FRMD4A: variants seen among roughly 807,000 people sequenced by gnomAD.
The protein encoded by FRMD4A is FERM domain-containing protein 4A.
FRMD4A carries 29 observed loss-of-function variants against 129.1 expected under a neutral mutation model. That is an observed-to-expected ratio of 0.22 (90% CI 0.17 to 0.31). The LOEUF (loss-of-function observed/expected upper bound fraction) is 0.31, where lower values mean the gene tolerates loss of function less well. FRMD4A is among the 10% of genes least tolerant of loss of function. The pLI, the probability that FRMD4A is intolerant of heterozygous loss-of-function variation, is 1.00. For synonymous variants in FRMD4A, 634 were observed against 571.6 expected, an observed-to-expected ratio of 1.11 and a Z score of -1.56; for missense variants, 1,272 against 1,375.8, an observed-to-expected ratio of 0.92 and a Z score of 1.19.
intron 2 of FRMD4A, among the ~76,000 whole-genome samples, chr10:13,997,758 G>C (rs1386884235): frequency 2.0e-5 from 3 of 151,808 alleles, no homozygotes; most frequent in Admixed American, 6.6e-5. Flanking sequence ...GAGTAGCTGG[G>C]ACTACATGTG....
chr10:14,255,255 G>T (rs1372803569), intron 2 of FRMD4A, among the ~76,000 whole-genome samples: 2 of 152,064 alleles, frequency 1.3e-5, no homozygotes, highest in African/African-American at 4.8e-5. Context: ...TATAAATCTG[G>T]ACCAAGCTGA....
intron 2 of FRMD4A, among the ~76,000 whole-genome samples, chr10:14,117,018 T>C (rs941276756): frequency 2.0e-5 from 3 of 152,356 alleles, no homozygotes; most frequent in African/African-American, 7.2e-5. Flanking sequence ...GGGCTATGCA[T>C]TGAAATGCAT....
At chr10:13,999,026 TCAC>T (rs1448213945) in intron 2 of FRMD4A, among the ~76,000 whole-genome samples, 3 of 151,942 alleles carry the variant, frequency 2.0e-5, no homozygotes, top group African/African-American at 7.2e-5. Context: ...TCTCACCCCT[TCAC>T]TCTGCTCCAG....
chr10:13,881,421 A>C (rs1399129051), intron 2 of FRMD4A, among the ~76,000 whole-genome samples: 1 of 151,566 alleles, frequency 6.6e-6, no homozygotes, highest in Non-Finnish European at 1.5e-5. Flanking sequence ...AGAATGGGCC[A>C]GAGAGAGACA....
intron 2 of FRMD4A, among the ~76,000 whole-genome samples, chr10:14,242,704 A>G (rs913469986): frequency 1.3e-5 from 2 of 152,208 alleles, no homozygotes; most frequent in Admixed American, 1.3e-4. Context: ...TCGTACAAAT[A>G]ATCTGAAACG....
At chr10:14,107,306 A>G (rs1837637596) in intron 2 of FRMD4A, among the ~76,000 whole-genome samples, 1 of 152,190 alleles carries the variant, frequency 6.6e-6, no homozygotes, top group Non-Finnish European at 1.5e-5. Flanking sequence ...GTGTTACACA[A>G]TATACCTGTG....
chr10:13,727,139 T>G lies in FRMD4A; in HGVS notation c.759+10705A>C, dbSNP rs185138095. On this transcript the variant is annotated intron_variant, in intron 12 of 24. Transcript: ENST00000357447. Reference sequence around the variant, plus strand: ...CTGGTCTCATATTCCTAACCTCAAGTGACCCACCTGCCTCAGCCTCCCAAA... The same window carrying G: ...CTGGTCTCATATTCCTAACCTCAAGGGACCCACCTGCCTCAGCCTCCCAAA... Among the ~76,000 whole-genome samples, 51 of 150,410 alleles carry G rather than the reference T, an allele frequency of 3.4e-4. No individual in the cohort carries two copies. The South Asian group carries it at 9.4e-3, about 28-fold the overall frequency.
intron 17 of FRMD4A, among the ~76,000 whole-genome samples, chr10:13,669,048 T>A (rs1052335120): frequency 1.4e-5 from 2 of 142,034 alleles, no homozygotes; most frequent in African/African-American, 5.2e-5. Context: ...ACTGCCTAAC[T>A]GAGCTTTAGT....
At chr10:13,715,994 A>G (rs1421924756) in intron 12 of FRMD4A, among the ~76,000 whole-genome samples, 1 of 152,208 alleles carries the variant, frequency 6.6e-6, no homozygotes, top group Non-Finnish European at 1.5e-5. Context: ...GTAAAACATA[A>G]AAGTTATGAA....
chr10:13,943,485 T>C (rs866528217), intron 2 of FRMD4A, among the ~76,000 whole-genome samples: 2 of 150,204 alleles, frequency 1.3e-5, no homozygotes, highest in Non-Finnish European at 3.0e-5. Flanking sequence ...CTGTCTCTAC[T>C]AAAAATACAA....
intron 2 of FRMD4A, among the ~76,000 whole-genome samples, chr10:14,244,088 T>C (rs1564413093): frequency 6.6e-6 from 1 of 152,346 alleles, no homozygotes; most frequent in East Asian, 1.9e-4. Context: ...AGAAGACATA[T>C]GACCAAATCA....
chr10:13,735,941 G>T (rs902741083), intron 12 of FRMD4A, among the ~76,000 whole-genome samples: 5 of 152,118 alleles, frequency 3.3e-5, no homozygotes, highest in African/African-American at 9.7e-5. Flanking sequence ...ATCACTTGAG[G>T]TCAGGAGTTT....
At chr10:13,958,353 G>A (rs866891154) in intron 2 of FRMD4A, among the ~76,000 whole-genome samples, 4 of 139,586 alleles carry the variant, frequency 2.9e-5, no homozygotes, top group Non-Finnish European at 4.5e-5. Flanking sequence ...GCGCGATCTC[G>A]GCTCACTGCA....
intron 12 of FRMD4A, among the ~76,000 whole-genome samples, chr10:13,722,295 G>A (rs1199644310): frequency 2.0e-5 from 3 of 147,000 alleles, no homozygotes; most frequent in South Asian, 4.3e-4. Flanking sequence ...GCAGTGATGC[G>A]ATCATAGCTC....
At chr10:14,055,174 G>A (rs1834449278) in intron 2 of FRMD4A, among the ~76,000 whole-genome samples, 1 of 152,100 alleles carries the variant, frequency 6.6e-6, no homozygotes, top group African/African-American at 2.4e-5. Context: ...TCTGTCCCCA[G>A]TACTCAACCT....
intron 4 of FRMD4A, among the ~76,000 whole-genome samples, chr10:13,808,047 C>T (rs2093385340): frequency 6.6e-6 from 1 of 152,150 alleles, no homozygotes; most frequent in South Asian, 2.1e-4. Context: ...GATCTGTCCA[C>T]CTCAGCCTCC....
At chr10:13,812,490 T>G (rs1406714064) in intron 3 of FRMD4A, among the ~76,000 whole-genome samples, 1 of 152,238 alleles carries the variant, frequency 6.6e-6, no homozygotes, top group Non-Finnish European at 1.5e-5. Context: ...AGACATTTAT[T>G]TATTGAATGC....
intron 3 of FRMD4A, among the ~76,000 whole-genome samples, chr10:13,817,452 G>A (rs1417558671): frequency 2.0e-5 from 3 of 152,246 alleles, no homozygotes; most frequent in African/African-American, 2.4e-5. Flanking sequence ...TTGCAGGGCT[G>A]TAAAGCGCTC....
intron 2 of FRMD4A, among the ~76,000 whole-genome samples, chr10:14,113,851 G>T (rs955517540): frequency 2.0e-5 from 3 of 152,054 alleles, no homozygotes; most frequent in Non-Finnish European, 4.4e-5. Flanking sequence ...CCTCCAGCAG[G>T]TTCCTATTAT....
Sources: gnomAD v4.1 joint callset for allele counts (sites outside exome capture counted in the v4.1 genomes callset) on GRCh38, gnomAD v4.1.1 for gene constraint, MANE v1.5 for transcripts, NCBI Gene and HGNC (gene_info 2026-07-23, HGNC 2026-07-21) for gene names.